Variants in AP5Z1 observed in about 807,000 individuals in gnomAD.
The protein encoded by AP5Z1 is AP-5 complex subunit zeta-1.
AP5Z1 carries 106 observed loss-of-function variants against 83.0 expected under a neutral mutation model. That is an observed-to-expected ratio of 1.28 (90% CI 1.09 to 1.50). The LOEUF (loss-of-function observed/expected upper bound fraction) is 1.50. Ranked by LOEUF, AP5Z1 falls within the 40% of genes most tolerant of loss-of-function variation. The probability of loss-of-function intolerance (pLI) is 0.00; values close to 1 mark genes in which losing one functional copy is unlikely to be tolerated. For missense variants in AP5Z1, 1,565 were observed against 1,094.2 expected (o/e 1.43, Z -6.07); for synonymous variants, 751 against 514.1 (o/e 1.46, Z -6.23).
At position 4,781,308 on chromosome 7, in the gene AP5Z1, C is replaced by T. The variant is rs556415495; in HGVS notation, c.175C>T (p.Arg59Trp). ...CATCATCTCAGCCACGAAGTACAGC[C>T]GGAGGTGAGTGTGGCGACGGCTCAG... ...FLIISATKYS[R>W]RLEKTCVDLL... The change falls in exon 2 of 17, where the codon CGG becomes TGG. Residue 59 changes from arginine (R) to tryptophan (W), a missense_variant. Coordinates refer to ENST00000649063, the MANE Select transcript of AP5Z1 (RefSeq NM_014855.3). 51 of 1,613,200 alleles carry T rather than the reference C, an allele frequency of 3.2e-5. No individual in the cohort carries two copies. The highest frequency in any genetic ancestry group is 1.7e-4 in the Middle Eastern group (1 of 5,978).
At chr7:4,783,248 T>G (rs1043210191) in intron 3 of AP5Z1, 68 bp from the exon 4 acceptor site, 78 of 1,493,450 alleles carry the variant, frequency 5.2e-5, no homozygotes, top group Non-Finnish European at 6.9e-5. Context: ...TCACACAGAC[T>G]TCCGAAATGG....
intron 3 of AP5Z1, among the ~76,000 whole-genome samples, chr7:4,782,138 G>A (rs567595852): frequency 1.1e-4 from 16 of 152,064 alleles, no homozygotes; most frequent in Non-Finnish European, 1.8e-4. Flanking sequence ...CTGCAGCCTC[G>A]ACCTCCCTGG....
intron 1 of AP5Z1, among the ~76,000 whole-genome samples, chr7:4,780,305 A>C (rs747901462): frequency 1.2e-4 from 19 of 152,274 alleles, no homozygotes; most frequent in Admixed American, 2.6e-4. Flanking sequence ...ATGTCATGAC[A>C]TTTGTTCTTT....
At chr7:4,786,486 T>C in intron 10 of AP5Z1, 58 bp downstream of exon 10, 1 of 1,587,350 alleles carries the variant, frequency 6.3e-7, no homozygotes, top group Non-Finnish European at 8.6e-7. Context: ...CTGGGGCTCC[T>C]CCCCTCTTTC....
intron 14 of AP5Z1, 63 bp downstream of exon 14, chr7:4,789,992 T>TC (rs1562413797): frequency 4.1e-5 from 21 of 516,462 alleles, no homozygotes; most frequent in East Asian, 2.7e-4. Context: ...CCTCCCCCTC[T>TC]CCCCTCCCCC....
Position 4,788,856 on chromosome 7 carries a change from C to G in AP5Z1, c.1612C>G (p.Gln538Glu). ...TGTCCTCAGGTTGGCGCCACTCCAC[C>G]AGCTGCTGCAGCCCATGGCCGGCTG... Reference protein sequence around the residue: ...GATERLAPLHQLLQPMAGCAR... With the variant: ...GATERLAPLHELLQPMAGCAR... The change falls in exon 13 of 17, where the codon CAG becomes GAG. Residue 538 changes from glutamine to glutamate, a missense_variant. Transcript: ENST00000649063. 1 of 1,607,932 alleles carries G rather than the reference C, an allele frequency of 6.2e-7. No individual in the cohort carries two copies. The highest frequency in any genetic ancestry group is 8.5e-7 in the Non-Finnish European group (1 of 1,177,776).
rs1197385837 is a variant in AP5Z1 at position 4,785,664 on chromosome 7, C to T, written c.1112C>T (p.Ala371Val). 9 of 1,541,992 alleles carry T rather than the reference C, an allele frequency of 5.8e-6. No homozygotes were observed. The highest frequency in any genetic ancestry group is 1.4e-5 in the African/African-American group (1 of 73,926). ...PASVRVLLPL[A>V]HFFLSHGEAA... is the part of the protein sequence containing the mutation. ...TCTGTGCGGGTGCTGCTGCCCCTCG[C>T]CCACTTCTTCCTGAGCCACGGTGAG... Residue 371 changes from alanine to valine, a missense_variant, in exon 9 of 17, where the codon GCC becomes GTC. Ala to Val is a moderately conservative substitution (Grantham distance 64). Coordinates refer to ENST00000649063, the MANE Select transcript of AP5Z1 (RefSeq NM_014855.3).
At position 4,785,555 on chromosome 7, in the gene AP5Z1, C is replaced by G. The variant is rs199930373; in HGVS notation, c.1003C>G (p.Leu335Val). Residue 335 changes from leucine to valine, a missense_variant, in exon 9 of 17, where the codon CTG becomes GTG. Leu to Val is a conservative substitution (Grantham distance 32). Coordinates refer to ENST00000649063, the MANE Select transcript of AP5Z1 (RefSeq NM_014855.3). ...GGAGGCCGTGCTGGTGCTGGACGTG[C>G]TGTGCCGGCAGGACCCGTCCTTCCT... is the stretch of plus-strand genomic sequence containing the variant. ...LVEAVLVLDV[L>V]CRQDPSFLYR... The G allele has an allele frequency of 6.9e-5, 112 of 1,611,890 alleles. 3 individuals carry two copies. In the East Asian group the frequency reaches 9.4e-4, roughly 13 times the overall value.
At chr7:4,785,356 C>T in intron 7 of AP5Z1, 59 bp from the exon 8 acceptor site, 1 of 1,579,690 alleles carries the variant, frequency 6.3e-7, no homozygotes, top group African/African-American at 1.3e-5. Flanking sequence ...CAAGCTGCCC[C>T]CTCATTGGGC....
At chr7:4,782,472 C>T (rs914611635) in intron 3 of AP5Z1, among the ~76,000 whole-genome samples, 1 of 152,170 alleles carries the variant, frequency 6.6e-6, no homozygotes, top group Non-Finnish European at 1.5e-5. Flanking sequence ...AGGAAGGTTG[C>T]GATGGAGCTG....
chr7:4,788,360 G>C, intron 12 of AP5Z1, 66 bp downstream of exon 12: 1 of 1,493,980 alleles, frequency 6.7e-7, no homozygotes. Context: ...CACTGGGGTG[G>C]GGCTCACTGC....
rs553693922 is a variant in AP5Z1, at chr7:4,790,197, G to T, written c.1806-262G>T. ...CCCTCTTCCCCGTCTTGTCCCCTGG[G>T]GTCCTTCTCTCCAAAGGCCTGATGC... On this transcript the variant is annotated intron_variant, in intron 14 of 16. Coordinates refer to ENST00000649063, the MANE Select transcript of AP5Z1 (RefSeq NM_014855.3). 3.3e-5 allele frequency: 51 copies of T among 1,546,834 alleles called. No individual in the cohort carries two copies. The South Asian group carries it at 6.1e-4, about 18-fold the overall frequency.
Position 4,787,663 on chromosome 7 carries a change from C to T in AP5Z1, c.1341C>T (p.Thr447=), listed in dbSNP as rs60284677. ...TGGCCTGGAACAGCCCACCCCTCAC[C>T]TCCGAGTTTGTGGCGCTCCTCCCGG... ...KFLAWNSPPL[T]SEFVALLPAL... is the part of the protein sequence containing the mutation. Residue 447 remains threonine (T), a synonymous_variant, in exon 11 of 17, where the codon ACC becomes ACT. Transcript: ENST00000649063. The T allele has an allele frequency of 1.2e-4, 179 of 1,553,362 alleles. 2 individuals are homozygous for T. The East Asian group carries it at 2.5e-3, about 21-fold the overall frequency.
Position 4,784,980 on chromosome 7 carries a change from C to T in AP5Z1, c.863C>T (p.Pro288Leu), listed in dbSNP as rs897049473. Residue 288 changes from proline (P) to leucine (L), a missense_variant, in exon 7 of 17, where the codon CCG becomes CTG. By Grantham distance (98) the Pro-to-Leu change is moderately conservative. Coordinates refer to ENST00000649063, the MANE Select transcript of AP5Z1 (RefSeq NM_014855.3). ...SATSSAGRLL[P>L]PRERLREVAF... ...ACCTCCTCTGCCGGCCGCCTGCTGC[C>T]GCCCCGGGAGCGGCTTCGGGAGGTG... is the stretch of plus-strand genomic sequence containing the variant. 3.5e-5 allele frequency: 56 copies of T among 1,612,108 alleles called. No individual in the cohort carries two copies. The highest frequency in any genetic ancestry group is 1.6e-4 in the Middle Eastern group (1 of 6,078).
At position 4,777,651 on chromosome 7, in the gene AP5Z1, A is replaced by G. The variant is rs1366705968; in HGVS notation, c.41+1895A>G. ...TGATCCGCCTGACTCGGCCCCTCGA[A>G]GTGCCGGGATTACAGGTGTGAGCCA... On this transcript the variant is annotated intron_variant, in intron 1 of 16. Coordinates refer to ENST00000649063, the MANE Select transcript of AP5Z1 (RefSeq NM_014855.3). Among the ~76,000 whole-genome samples, 3 of 152,134 alleles carry G rather than the reference A, an allele frequency of 2.0e-5. No individual in the cohort carries two copies. The South Asian group carries it at 6.2e-4, about 32-fold the overall frequency.
rs921673314 is a variant in AP5Z1, at chr7:4,791,678, G to C, written c.*293G>C. On this transcript the variant is annotated 3_prime_UTR_variant, in exon 17 of 17. Transcript: ENST00000649063. The stretch of plus-strand genomic sequence containing the variant: ...TGGCTGGGTCGGGTGGAGGCTGCTG[G>C]GTCTGTTTCCTAGTCTTTTGTTTTT... 1.2e-5 allele frequency: 6 copies of C among 495,284 alleles called. No homozygotes were observed. In the East Asian group the frequency reaches 1.9e-4, roughly 16 times the overall value. 30.7% of individuals were successfully genotyped at this position (495,284 alleles called of 1,614,324 possible).
At chr7:4,791,007 G>A in intron 16 of AP5Z1, 108 bp from the exon 17 acceptor site, 3 of 1,469,248 alleles carry the variant, frequency 2.0e-6, no homozygotes, top group Non-Finnish European at 2.7e-6. Context: ...GGTGGGCCCT[G>A]CTGAGCTAAA....
At chr7:4,790,994 C>T in intron 16 of AP5Z1, 107 bp downstream of exon 16, 1 of 1,470,438 alleles carries the variant, frequency 6.8e-7, no homozygotes, top group African/African-American at 1.4e-5. Context: ...AGCGCAGGTC[C>T]TGGGTGGGCC....
chr7:4,781,329 C>T lies in AP5Z1; in HGVS notation c.179+17C>T, dbSNP rs1235383524. ...CAGCCGGAGGTGAGTGTGGCGACGGCTCAGGCCGGCTCCTCACACAGCGGC... is the reference window on the plus strand; with the variant it reads ...CAGCCGGAGGTGAGTGTGGCGACGGTTCAGGCCGGCTCCTCACACAGCGGC... On this transcript the variant is annotated intron_variant, in intron 2 of 16. Coordinates refer to ENST00000649063, the MANE Select transcript of AP5Z1 (RefSeq NM_014855.3). 6.2e-7 allele frequency: 1 copy of T among 1,611,698 alleles called. No individual in the cohort carries two copies. The highest frequency in any genetic ancestry group is 1.7e-5 in the Admixed American group (1 of 59,994).
Sources: gnomAD v4.1 joint callset for allele counts (sites outside exome capture counted in the v4.1 genomes callset) on GRCh38, gnomAD v4.1.1 for gene constraint, MANE v1.5 for transcripts, NCBI Gene and HGNC (gene_info 2026-07-23, HGNC 2026-07-21) for gene names.